TRPC4: variants seen among roughly 807,000 people sequenced by gnomAD.
The protein encoded by TRPC4 is transient receptor potential cation channel subfamily C member 4, also known as short transient receptor potential channel 4.
TRPC4 carries 49 observed loss-of-function variants against 99.4 expected under a neutral mutation model. That is an observed-to-expected ratio of 0.49 (90% CI 0.39 to 0.63). TRPC4 has a LOEUF of 0.63. Ranked by LOEUF, TRPC4 falls within the 20% of genes least tolerant of loss-of-function variation. The pLI is 0.00. For missense variants in TRPC4, 898 were observed against 1,152.9 expected (o/e 0.78, Z 3.20); for synonymous variants, 454 against 425.9 (o/e 1.07, Z -0.81).
intron 2 of TRPC4, among the ~76,000 whole-genome samples, chr13:37,751,189 A>T (rs1385887594): frequency 2.0e-5 from 3 of 151,986 alleles, no homozygotes; most frequent in Non-Finnish European, 4.4e-5. Flanking sequence ...ATTTCTACTC[A>T]GCATACGACA....
chr13:37,846,375 C>T (rs1162487791), intron 1 of TRPC4, among the ~76,000 whole-genome samples: 1 of 151,926 alleles, frequency 6.6e-6, no homozygotes, highest in Non-Finnish European at 1.5e-5. Context: ...ATTGCAGCAA[C>T]AATAAATTGC....
intron 1 of TRPC4, among the ~76,000 whole-genome samples, chr13:37,812,480 G>A (rs1031818685): frequency 4.6e-5 from 7 of 152,132 alleles, no homozygotes; most frequent in African/African-American, 1.7e-4. Flanking sequence ...ACTACAGTAT[G>A]TGAGAAGTAA....
At chr13:37,700,905 C>A (rs1442400601) in intron 3 of TRPC4, among the ~76,000 whole-genome samples, 1 of 152,176 alleles carries the variant, frequency 6.6e-6, no homozygotes, top group African/African-American at 2.4e-5. Context: ...GCTCTGCTGA[C>A]TATCTTGGCT....
At chr13:37,763,633 C>A (rs371961258) in intron 2 of TRPC4, among the ~76,000 whole-genome samples, 1 of 151,536 alleles carries the variant, frequency 6.6e-6, no homozygotes, top group Non-Finnish European at 1.5e-5. Context: ...TGAGTACAAG[C>A]ATACAATAGG....
chr13:37,718,344 C>T (rs140546229), intron 3 of TRPC4, among the ~76,000 whole-genome samples: 252 of 151,412 alleles, frequency 1.7e-3, no homozygotes, highest in African/African-American at 5.8e-3. Flanking sequence ...TCTAGAGTCT[C>T]CACAACAACT....
chr13:37,732,329 A>C (rs532307551), intron 3 of TRPC4, among the ~76,000 whole-genome samples: 37 of 152,240 alleles, frequency 2.4e-4, no homozygotes, highest in African/African-American at 8.4e-4. Context: ...GTCAGAGGTA[A>C]TTGTTTTATT....
At chr13:37,775,951 C>T (rs1956688778) in intron 2 of TRPC4, among the ~76,000 whole-genome samples, 1 of 151,692 alleles carries the variant, frequency 6.6e-6, no homozygotes, top group Admixed American at 6.6e-5. Context: ...TGCTGGTCTT[C>T]AAGACAAAAA....
At chr13:37,824,667 C>T (rs975279487) in intron 1 of TRPC4, among the ~76,000 whole-genome samples, 9 of 152,066 alleles carry the variant, frequency 5.9e-5, no homozygotes, top group South Asian at 2.1e-4. Context: ...CTGCTGGATT[C>T]GGTTTGCCAT....
At chr13:37,698,526 T>G (rs2138918166) in intron 3 of TRPC4, among the ~76,000 whole-genome samples, 1 of 152,168 alleles carries the variant, frequency 6.6e-6, no homozygotes, top group South Asian at 2.1e-4. Flanking sequence ...TTTTCCTATT[T>G]TTTGCTTTCC....
intron 8 of TRPC4, among the ~76,000 whole-genome samples, chr13:37,647,584 TC>T (rs1475274145): frequency 1.1e-4 from 17 of 152,226 alleles, no homozygotes; most frequent in African/African-American, 3.6e-4. Flanking sequence ...CCCAGCAATT[TC>T]CCCCTGCTCT....
intron 6 of TRPC4, among the ~76,000 whole-genome samples, chr13:37,661,208 C>A (rs1051821346): frequency 6.6e-6 from 1 of 152,048 alleles, no homozygotes; most frequent in Non-Finnish European, 1.5e-5. Flanking sequence ...CCCAATAATC[C>A]AGTATATTTG....
chr13:37,685,505 TACTC>T (rs1953437511), intron 4 of TRPC4, among the ~76,000 whole-genome samples: 1 of 152,164 alleles, frequency 6.6e-6, no homozygotes, highest in Non-Finnish European at 1.5e-5. Context: ...GCATTTAAAT[TACTC>T]AGCACAGTGC....
chr13:37,724,887 A>C (rs1311543227), intron 3 of TRPC4, among the ~76,000 whole-genome samples: 1 of 152,174 alleles, frequency 6.6e-6, no homozygotes, highest in Non-Finnish European at 1.5e-5. Flanking sequence ...GAATGAATGA[A>C]TTATAGATGG....
At chr13:37,752,989 C>T (rs1955977362) in intron 2 of TRPC4, among the ~76,000 whole-genome samples, 1 of 150,022 alleles carries the variant, frequency 6.7e-6, no homozygotes, top group African/African-American at 2.5e-5. Flanking sequence ...CACACACACA[C>T]ACGCACACAC....
intron 3 of TRPC4, among the ~76,000 whole-genome samples, chr13:37,700,362 C>A (rs1289413180): frequency 6.6e-6 from 1 of 152,122 alleles, no homozygotes; most frequent in African/African-American, 2.4e-5. Flanking sequence ...TGGGCTGGTT[C>A]TCCAGTCTCT....
At chr13:37,757,978 C>T (rs558452237) in intron 2 of TRPC4, among the ~76,000 whole-genome samples, 1 of 152,038 alleles carries the variant, frequency 6.6e-6, no homozygotes, top group East Asian at 1.9e-4. Flanking sequence ...CTCTTAGGTA[C>T]AACATAGATC....
intron 2 of TRPC4, among the ~76,000 whole-genome samples, chr13:37,776,862 A>C (rs1240794504): frequency 6.6e-6 from 1 of 151,896 alleles, no homozygotes; most frequent in Non-Finnish European, 1.5e-5. Context: ...TCTAAAGAAC[A>C]TATTTCTATG....
chr13:37,726,521 C>CA (rs1566124287), intron 3 of TRPC4, among the ~76,000 whole-genome samples: 2 of 151,720 alleles, frequency 1.3e-5, no homozygotes, highest in Admixed American at 6.6e-5. Context: ...AAGGTAATTA[C>CA]AAAAAACAGC....
chr13:37,782,942 AT>A lies in TRPC4; in HGVS notation c.378+13del. 7.0e-7 allele frequency: 1 copy of A among 1,420,254 alleles called. No homozygotes were observed. 88.0% of individuals were successfully genotyped at this position (1,420,254 alleles called of 1,614,324 possible). ...GCAGGTAAAATAAATTAAAAACTGT[AT>A]TTTTGCAGGTACCTGTTTTTCTCCA... On this transcript the variant is annotated intron_variant, in intron 2 of 10. Coordinates refer to ENST00000379705, the MANE Select transcript of TRPC4 (RefSeq NM_016179.4).
Sources: gnomAD v4.1 joint callset for allele counts (sites outside exome capture counted in the v4.1 genomes callset) on GRCh38, gnomAD v4.1.1 for gene constraint, MANE v1.5 for transcripts, NCBI Gene and HGNC (gene_info 2026-07-23, HGNC 2026-07-21) for gene names.